RPGRIP1: variants seen among roughly 807,000 people sequenced by gnomAD.
RPGRIP1 encodes X-linked retinitis pigmentosa GTPase regulator-interacting protein 1.
A neutral mutation model predicts 157.9 loss-of-function variants in RPGRIP1; 128 were observed. The observed-to-expected ratio is 0.81, with a 90% CI of 0.70 to 0.94. RPGRIP1 has a LOEUF of 0.94. Among genes scored for constraint, RPGRIP1 ranks in the 40% least tolerant of loss-of-function variants. The pLI is 0.00. For missense variants in RPGRIP1, 1,486 were observed against 1,545.8 expected (o/e 0.96, Z 0.65); for synonymous variants, 554 against 571.6 (o/e 0.97, Z 0.44).
intron 23 of RPGRIP1, among the ~76,000 whole-genome samples, 190 bp downstream of exon 23, chr14:21,345,387 GTTATTTATTTAT>G (rs139819474): frequency 5.3e-5 from 8 of 150,856 alleles, no homozygotes; most frequent in Admixed American, 2.0e-4. Flanking sequence ...AATCTTATAG[GTTATTTATTTAT>G]TTATTTATTT....
rs746363628 is a variant in RPGRIP1, at chr14:21,343,002, C to A, written c.3340-34C>A. 4.5e-6 allele frequency: 7 copies of A among 1,560,126 alleles called. No homozygotes were observed. The South Asian group carries it at 6.8e-5, about 15-fold the overall frequency. On this transcript the variant is annotated intron_variant, in intron 21 of 24. Transcript: ENST00000400017. ...GTATAAGCACTTGGAGCCTCACTAACCTTTAGGAACTAAATAAACATTTTC... is the reference window on the plus strand; with the variant it reads ...GTATAAGCACTTGGAGCCTCACTAAACTTTAGGAACTAAATAAACATTTTC...
chr14:21,343,282 T>G, intron 22 of RPGRIP1, 54 bp downstream of exon 22: 1 of 1,373,064 alleles, frequency 7.3e-7, no homozygotes, highest in Non-Finnish European at 1.0e-6. Context: ...ACATTGAGAC[T>G]GAGGGTCAGA....
intron 6 of RPGRIP1, among the ~76,000 whole-genome samples, chr14:21,305,093 C>A (rs1881244575): frequency 6.6e-6 from 1 of 152,170 alleles, no homozygotes; most frequent in Non-Finnish European, 1.5e-5. Context: ...TAAGCCACTG[C>A]GCCTGGCCGG....
intron 7 of RPGRIP1, 124 bp from the exon 8 acceptor site, chr14:21,310,460 C>A: frequency 1.7e-6 from 1 of 585,882 alleles, no homozygotes; most frequent in Non-Finnish European, 2.9e-6. Flanking sequence ...TAAACAAGTA[C>A]ACAAATTGAT....
intron 17 of RPGRIP1, among the ~76,000 whole-genome samples, chr14:21,327,027 G>T (rs921864303): frequency 6.6e-6 from 1 of 152,036 alleles, no homozygotes; most frequent in African/African-American, 2.4e-5. Context: ...AGGAAGTGGG[G>T]ATAGCTGCAG....
Position 21,330,386 on chromosome 14 carries a change from T to C in RPGRIP1, c.3237T>C (p.Asn1079=). ...LKQKEPLHPV[N]DKESSEQGSE... is the part of the protein sequence containing the mutation. ...AGAAGGAACCTCTACATCCTGTAAA[T>C]GGTATTGTCTTTTAAAATCTATTTT... Residue 1079 remains asparagine (N), a splice_region_variant and synonymous_variant, in exon 20 of 25, where the codon AAT becomes AAC. Coordinates refer to ENST00000400017, the MANE Select transcript of RPGRIP1 (RefSeq NM_020366.4). The C allele has an allele frequency of 6.7e-7, 1 of 1,499,182 alleles. No homozygotes were observed. The highest frequency in any genetic ancestry group is 8.8e-7 in the Non-Finnish European group (1 of 1,130,588). 92.9% of individuals were successfully genotyped at this position (1,499,182 alleles called of 1,614,324 possible).
intron 1 of RPGRIP1, among the ~76,000 whole-genome samples, chr14:21,285,476 G>A (rs1043339964): frequency 2.0e-5 from 3 of 151,708 alleles, no homozygotes; most frequent in African/African-American, 4.9e-5. Context: ...ATGGTGGCAC[G>A]TGCCTGTAGT....
intron 3 of RPGRIP1, among the ~76,000 whole-genome samples, chr14:21,299,369 T>C (rs1880930754): frequency 6.6e-6 from 1 of 151,940 alleles, no homozygotes; most frequent in African/African-American, 2.4e-5. Flanking sequence ...GAAGGTTGTA[T>C]GGGCCAAAAA....
Position 21,319,618 on chromosome 14 carries a change from A to G in RPGRIP1, c.1307-399A>G, listed in dbSNP as rs141979196. 8.0e-3 allele frequency among the ~76,000 whole-genome samples: 1,216 copies of G among 152,276 alleles called. 3 individuals are homozygous for G. Among genetic ancestry groups the G allele is most frequent in the Non-Finnish European group, 0.013 (881 of 68,010 alleles). On this transcript the variant is annotated intron_variant, in intron 11 of 24. Transcript: ENST00000400017. ...GAAATGCCCATCCTCCATCCAGGCC[A>G]GGGTGGGTGTGAAGATGGGTGCCAC... is the stretch of plus-strand genomic sequence containing the variant.
chr14:21,319,194 CTAATT>C (rs757554923), intron 11 of RPGRIP1, among the ~76,000 whole-genome samples: 3 of 152,124 alleles, frequency 2.0e-5, no homozygotes, highest in Non-Finnish European at 4.4e-5. Context: ...TCAGGGCAAT[CTAATT>C]TAATCCCTTC....
At position 21,334,675 on chromosome 14, in the gene RPGRIP1, G is replaced by C; in HGVS notation, c.3309G>C (p.Val1103=). The change falls in exon 21 of 25, where the codon GTG becomes GTC. Residue 1103 remains valine, a synonymous_variant. Transcript: ENST00000400017. ...AQTTDSDDVI[V]PPMSQKYPKA... ...CTACCGACAGTGATGATGTCATAGTGCCACCCATGTCTCAGAAATATCCTA... is the reference window on the plus strand; with the variant it reads ...CTACCGACAGTGATGATGTCATAGTCCCACCCATGTCTCAGAAATATCCTA... The C allele has an allele frequency of 6.2e-7, 1 of 1,606,974 alleles. No individual in the cohort carries two copies. Among genetic ancestry groups the C allele is most frequent in the East Asian group, 2.2e-5 (1 of 44,754 alleles).
chr14:21,322,912 G>T (rs565045874), intron 14 of RPGRIP1, among the ~76,000 whole-genome samples: 21 of 152,268 alleles, frequency 1.4e-4, no homozygotes, highest in African/African-American at 4.8e-4. Context: ...AGGCTTGTTT[G>T]TCAAGACACT....
chr14:21,325,403 G>A lies in RPGRIP1; in HGVS notation c.2367+20G>A, dbSNP rs374576752. ...GAGGAGGTGAGAAAAAAGATGTGCC[G>A]AGGCATCTCAGAGGAGCCTCAGCCA... On this transcript the variant is annotated intron_variant, in intron 16 of 24. Transcript: ENST00000400017. The A allele has an allele frequency of 5.8e-6, 9 of 1,554,918 alleles. No individual in the cohort carries two copies. The highest frequency in any genetic ancestry group is 4.8e-5 in the East Asian group (2 of 41,290).
chr14:21,306,173 C>T (rs980116080), intron 6 of RPGRIP1, among the ~76,000 whole-genome samples: 1 of 112,064 alleles, frequency 8.9e-6, no homozygotes, highest in African/African-American at 3.5e-5. Context: ...ACTTTGTTGC[C>T]CAGGCTGAAG....
intron 3 of RPGRIP1, among the ~76,000 whole-genome samples, chr14:21,297,834 A>ATTTTTTCTTTCTCTCTTTCT (rs146421534): frequency 1.5e-5 from 2 of 133,216 alleles, no homozygotes. Flanking sequence ...TCAATAAATT[A>ATTTTTTCTTTCTCTCTTTCT]TTCTTTCTTT....
intron 1 of RPGRIP1, among the ~76,000 whole-genome samples, chr14:21,285,341 C>G (rs1264080069): frequency 1.3e-5 from 2 of 151,930 alleles, no homozygotes; most frequent in African/African-American, 4.9e-5. Context: ...TGCAGTGGCT[C>G]AAGCCTGTAA....
intron 21 of RPGRIP1, among the ~76,000 whole-genome samples, chr14:21,337,753 ATTTTTTTTTTTTT>A (rs60322777): frequency 1.0e-5 from 1 of 98,296 alleles, no homozygotes; most frequent in East Asian, 2.7e-4. Flanking sequence ...TAGGTTAAGC[ATTTTTTTTTTTTT>A]TTTTTTTTTT....
At chr14:21,304,548 C>T (rs533857375) in intron 6 of RPGRIP1, among the ~76,000 whole-genome samples, 1 of 152,042 alleles carries the variant, frequency 6.6e-6, no homozygotes, top group African/African-American at 2.4e-5. Flanking sequence ...GATTCTTAGC[C>T]CTCTCTGTGC....
chr14:21,334,391 CCTTT>C (rs1478652660), intron 20 of RPGRIP1, among the ~76,000 whole-genome samples: 2 of 151,798 alleles, frequency 1.3e-5, no homozygotes, highest in Non-Finnish European at 2.9e-5. Flanking sequence ...TCCTTCTTTC[CCTTT>C]CTTTTTTTGA....
Sources: gnomAD v4.1 joint callset for allele counts (sites outside exome capture counted in the v4.1 genomes callset) on GRCh38, gnomAD v4.1.1 for gene constraint, MANE v1.5 for transcripts, NCBI Gene and HGNC (gene_info 2026-07-23, HGNC 2026-07-21) for gene names.